ZNF691: variants seen among roughly 807,000 people sequenced by gnomAD.
The protein encoded by ZNF691 is zinc finger protein 691.
A neutral mutation model predicts 24.1 loss-of-function variants in ZNF691; 11 were observed. The observed-to-expected ratio is 0.46, with a 90% CI of 0.29 to 0.75. ZNF691 has a LOEUF of 0.75. Ranked by LOEUF, ZNF691 falls within the 30% of genes least tolerant of loss-of-function variation. ZNF691 has a pLI of 0.11. For synonymous variants in ZNF691, 149 were observed against 153.9 expected (o/e 0.97, Z 0.23); for missense variants, 356 against 409.0 (o/e 0.87, Z 1.12).
At position 42,851,825 on chromosome 1, in the gene ZNF691, A is replaced by G; in HGVS notation, c.*12A>G. On this transcript the variant is annotated 3_prime_UTR_variant, in exon 4 of 4. Coordinates refer to ENST00000651192, the MANE Select transcript of ZNF691 (RefSeq NM_001242739.2). The surrounding 1 kb of genome is among the most constrained non-coding windows in gnomAD (Gnocchi z 4.7). ...AAGATTCCAGCTGAAGGAGAGCCCC[A>G]TTTAGAGTGAGGGAGAGAGAGTGAG... is the stretch of plus-strand genomic sequence containing the variant. 6.2e-7 allele frequency: 1 copy of G among 1,614,100 alleles called. No homozygotes were observed. The highest frequency in any genetic ancestry group is 1.1e-5 in the South Asian group (1 of 91,080).
intron 3 of ZNF691, 121 bp from the exon 4 acceptor site, chr1:42,850,829 G>A (rs1364771809): frequency 2.6e-6 from 4 of 1,559,758 alleles, no homozygotes; most frequent in Non-Finnish European, 3.5e-6. Flanking sequence ...AGTTGATTGA[G>A]GTTATTTCTA....
At chr1:42,850,392 G>T in intron 3 of ZNF691, 1 of 984,976 alleles carries the variant, frequency 1.0e-6, no homozygotes, top group Non-Finnish European at 1.2e-6. Context: ...TTCTGGTGTG[G>T]GCTGGAGAGG....
At position 42,851,119 on chromosome 1, in the gene ZNF691, C is replaced by G; in HGVS notation, c.254C>G (p.Pro85Arg). 12 of 1,613,618 alleles carry G rather than the reference C, an allele frequency of 7.4e-6. No homozygotes were observed. The highest frequency in any genetic ancestry group is 1.0e-5 in the Non-Finnish European group (12 of 1,179,778). Reference sequence around the variant, plus strand: ...TCGGATGAACTGCAAGAAACTCATCCAAAAAAGCCATGGCAGAAAGTCACT... The same window carrying G: ...TCGGATGAACTGCAAGAAACTCATCGAAAAAAGCCATGGCAGAAAGTCACT... ...SLSDELQETH[P>R]KKPWQKVTVR... is the part of the protein sequence containing the mutation. The change falls in exon 4 of 4, where the codon CCA becomes CGA. Residue 85 changes from proline to arginine, a missense_variant. Transcript: ENST00000651192. The surrounding 1 kb of genome is among the most constrained non-coding windows in gnomAD (Gnocchi z 4.7).
In ZNF691 at chr1:42,852,142, A is replaced by T. The variant is rs1234496977; in HGVS notation, c.*329A>T. 1 of 431,202 alleles carries T rather than the reference A, an allele frequency of 2.3e-6. No homozygotes were observed. The allele number at this position is 431,202 out of a possible 1,614,324, so 26.7% of individuals were successfully genotyped here. ...CAGCAGTCCCCCTGGCCTTTGAGGA[A>T]GTACTTATGAGATGGGTGTCACTGT... On this transcript the variant is annotated 3_prime_UTR_variant, in exon 4 of 4. Transcript: ENST00000651192.
chr1:42,850,723 C>G, intron 3 of ZNF691: 1 of 1,550,548 alleles, frequency 6.4e-7, no homozygotes, highest in Non-Finnish European at 8.7e-7. Context: ...TGGACAAAGC[C>G]GGTGCCTTCT....
chr1:42,848,286 A>T (rs769048126), intron 1 of ZNF691, among the ~76,000 whole-genome samples: 6 of 151,982 alleles, frequency 3.9e-5, no homozygotes, highest in Non-Finnish European at 8.8e-5. Context: ...GGGGGATGGG[A>T]TGGTGGCGTG....
At chr1:42,850,619 T>G in intron 3 of ZNF691, 1 of 1,533,024 alleles carries the variant, frequency 6.5e-7, no homozygotes, top group Non-Finnish European at 8.8e-7. Context: ...AAAGCTCTTT[T>G]ACTTGCCCAT....
rs1391475002 is a variant in ZNF691, at chr1:42,851,335, A to G, written c.470A>G (p.Asn157Ser). The G allele has an allele frequency of 5.6e-6, 9 of 1,613,956 alleles. No individual in the cohort carries two copies. Among genetic ancestry groups the G allele is most frequent in the East Asian group, 2.2e-5 (1 of 44,884 alleles). Residue 157 changes from asparagine to serine, a missense_variant, in exon 4 of 4, where the codon AAC becomes AGC. Physicochemically the swap from Asn to Ser is conservative, Grantham distance 46 (BLOSUM62 1). Coordinates refer to ENST00000651192, the MANE Select transcript of ZNF691 (RefSeq NM_001242739.2). The surrounding 1 kb of genome is among the most constrained non-coding windows in gnomAD (Gnocchi z 4.7). ...ECGKSFSRSS[N>S]RIRHERIHLE... is the part of the protein sequence containing the mutation. ...GGCAAGAGCTTCTCGAGAAGCTCCA[A>G]CCGCATCCGGCACGAGCGGATCCAC...
chr1:42,851,064 G>A lies in ZNF691; in HGVS notation c.199G>A (p.Gly67Arg). ...CTCAGAGGGTTCTTGGATCCCACCT[G>A]GGGAGAAGGAGCATGGGCAAGAGAG... is the stretch of plus-strand genomic sequence containing the variant. ...DDSEGSWIPP[G>R]EKEHGQESLS... Residue 67 changes from glycine to arginine, a missense_variant, in exon 4 of 4, where the codon GGG (glycine) becomes AGG (arginine). Transcript: ENST00000651192. This position sits in a 1 kb window ranked among gnomAD's most constrained non-coding sequence, Gnocchi z 4.7. 1 of 1,601,980 alleles carries A rather than the reference G, an allele frequency of 6.2e-7. No homozygotes were observed. The highest frequency in any genetic ancestry group is 2.2e-5 in the East Asian group (1 of 44,830).
chr1:42,851,887 T>G lies in ZNF691; in HGVS notation c.*74T>G. ...TATTGGAGGAAGATCTTCAGCATCT[T>G]TTGCTGCTACCTTGACCTCAAGCCC... On this transcript the variant is annotated 3_prime_UTR_variant, in exon 4 of 4. Coordinates refer to ENST00000651192, the MANE Select transcript of ZNF691 (RefSeq NM_001242739.2). The surrounding 1 kb of genome is among the most constrained non-coding windows in gnomAD (Gnocchi z 4.7). 6.3e-7 allele frequency: 1 copy of G among 1,588,854 alleles called. No homozygotes were observed. The highest frequency in any genetic ancestry group is 1.1e-5 in the South Asian group (1 of 88,040).
At chr1:42,848,117 T>A in intron 1 of ZNF691, among the ~76,000 whole-genome samples, 1 of 152,178 alleles carries the variant, frequency 6.6e-6, no homozygotes, top group Non-Finnish European at 1.5e-5. Flanking sequence ...TCCTAAATCC[T>A]TTTGCTCTTA....
In ZNF691 at chr1:42,851,754, A is replaced by G. The variant is rs1473721421; in HGVS notation, c.889A>G (p.Asn297Asp). ...TGGGAAACACTTCTCCCGGAGCTCG[A>G]ATCTCATCCGCCACCAGAAAACTCA... ...VCGKHFSRSS[N>D]LIRHQKTHLG... Residue 297 changes from asparagine to aspartate, a missense_variant, in exon 4 of 4, where the codon AAT (asparagine) becomes GAT (aspartate). By Grantham distance (23) the Asn-to-Asp change is conservative. Coordinates refer to ENST00000651192, the MANE Select transcript of ZNF691 (RefSeq NM_001242739.2). The surrounding 1 kb of genome is among the most constrained non-coding windows in gnomAD (Gnocchi z 4.7). 2 of 1,614,234 alleles carry G rather than the reference A, an allele frequency of 1.2e-6. No homozygotes were observed. The highest frequency in any genetic ancestry group is 1.7e-6 in the Non-Finnish European group (2 of 1,180,026).
At chr1:42,849,450 C>A (rs1167543349) in intron 2 of ZNF691, 37 bp downstream of exon 2, 1 of 668,972 alleles carries the variant, frequency 1.5e-6, no homozygotes, top group East Asian at 2.9e-5. Context: ...GGAGTTTAGG[C>A]TCAGAGTGGT....
Position 42,851,079 on chromosome 1 carries a change from G to A in ZNF691, c.214G>A (p.Gly72Arg), listed in dbSNP as rs1202920711. Reference protein sequence around the residue: ...SWIPPGEKEHGQESLSDELQE... With the variant: ...SWIPPGEKEHRQESLSDELQE... ...GATCCCACCTGGGGAGAAGGAGCAT[G>A]GGCAAGAGAGCCTGTCGGATGAACT... Residue 72 changes from glycine (G) to arginine (R), a missense_variant, in exon 4 of 4, where the codon GGG becomes AGG. Coordinates refer to ENST00000651192, the MANE Select transcript of ZNF691 (RefSeq NM_001242739.2). The surrounding 1 kb of genome is among the most constrained non-coding windows in gnomAD (Gnocchi z 4.7). The A allele has an allele frequency of 6.2e-7, 1 of 1,608,970 alleles. No individual in the cohort carries two copies. The highest frequency in any genetic ancestry group is 8.5e-7 in the Non-Finnish European group (1 of 1,177,162).
At chr1:42,847,958 G>C (rs1375693912) in intron 1 of ZNF691, among the ~76,000 whole-genome samples, 1 of 152,250 alleles carries the variant, frequency 6.6e-6, no homozygotes, top group Non-Finnish European at 1.5e-5. Flanking sequence ...GCCAGGTGCT[G>C]TGTTAGACAC....
intron 3 of ZNF691, chr1:42,850,252 G>T (rs1655345628): frequency 5.0e-6 from 1 of 198,438 alleles, no homozygotes; most frequent in South Asian, 1.8e-4. Flanking sequence ...TGGGCGGGGG[G>T]TGTGGGTGGG....
chr1:42,850,884 A>G (rs1655366652), intron 3 of ZNF691, 66 bp from the exon 4 acceptor site: 4 of 1,553,818 alleles, frequency 2.6e-6, no homozygotes, highest in Non-Finnish European at 3.5e-6. Context: ...AAACTGAACA[A>G]AAGATTCCCT....
chr1:42,851,167 A>C lies in ZNF691; in HGVS notation c.302A>C (p.Asp101Ala). The change falls in exon 4 of 4, where the codon GAC becomes GCC. Residue 101 changes from aspartate to alanine, a missense_variant. By Grantham distance (126) the Asp-to-Ala change is moderately radical. Coordinates refer to ENST00000651192, the MANE Select transcript of ZNF691 (RefSeq NM_001242739.2). The surrounding 1 kb of genome is among the most constrained non-coding windows in gnomAD (Gnocchi z 4.7). ...ACTGTCCGGGCTCGAGAGCTAGGGGACCCCATTGCTCATCCAAGGCATGAG... is the reference window on the plus strand; with the variant it reads ...ACTGTCCGGGCTCGAGAGCTAGGGGCCCCCATTGCTCATCCAAGGCATGAG... ...KVTVRARELG[D>A]PIAHPRHEAD... is the part of the protein sequence containing the mutation. The C allele has an allele frequency of 6.2e-7, 1 of 1,614,098 alleles. No homozygotes were observed. Among genetic ancestry groups the C allele is most frequent in the Non-Finnish European group, 8.5e-7 (1 of 1,180,014 alleles).
At chr1:42,850,615 CTT>C in intron 3 of ZNF691, 3 of 1,531,690 alleles carry the variant, frequency 2.0e-6, no homozygotes, top group Non-Finnish European at 2.6e-6. Flanking sequence ...AATGAAAGCT[CTT>C]TTACTTGCCC....
Sources: allele counts gnomAD v4.1 joint callset (sites outside exome capture counted in the v4.1 genomes callset), GRCh38; gene constraint gnomAD v4.1.1; non-coding constraint Gnocchi (gnomAD v3.1); transcripts MANE v1.5; gene names NCBI Gene and HGNC (gene_info 2026-07-23, HGNC 2026-07-21).